The following UTP18 variants were observed in gnomAD, a reference collection of about 807,000 sequenced individuals.
The protein encoded by UTP18 is U3 small nucleolar RNA-associated protein 18 homolog.
UTP18 carries 36 observed loss-of-function variants against 61.1 expected under a neutral mutation model. That is an observed-to-expected ratio of 0.59 (90% CI 0.45 to 0.78). The LOEUF is 0.78. Among genes scored for constraint, UTP18 ranks in the 30% least tolerant of loss-of-function variants. The pLI, the probability that UTP18 is intolerant of heterozygous loss-of-function variation, is 0.00. For missense variants in UTP18, 753 were observed against 693.9 expected (o/e 1.09, Z -0.96); for synonymous variants, 282 against 251.1 (o/e 1.12, Z -1.16).
At chr17:51,265,358 G>A (rs567828567) in intron 2 of UTP18, among the ~76,000 whole-genome samples, 1 of 151,418 alleles carries the variant, frequency 6.6e-6, no homozygotes, top group East Asian at 1.9e-4. Context: ...CTGCTTCCCA[G>A]GTTCAAGTGA....
rs201491645 is a variant in UTP18, at chr17:51,285,320, A to G, written c.1280A>G (p.Tyr427Cys). 93 of 1,614,012 alleles carry G rather than the reference A, an allele frequency of 5.8e-5. No individual in the cohort carries two copies. In the African/African-American group the frequency reaches 1.1e-3, roughly 18 times the overall value. The change falls in exon 10 of 14, where the codon TAT (tyrosine) becomes TGT (cysteine). Residue 427 changes from tyrosine (Y) to cysteine (C), a missense_variant. Physicochemically the swap from Tyr to Cys is radical, Grantham distance 194 (BLOSUM62 -2). Coordinates refer to ENST00000225298, the MANE Select transcript of UTP18 (RefSeq NM_016001.3). ...AGATTTGTTGATGAAGGCAGTTTATATGGATTAAGCATTGCCACATCTAGG... is the reference window on the plus strand; with the variant it reads ...AGATTTGTTGATGAAGGCAGTTTATGTGGATTAAGCATTGCCACATCTAGG... ...LNRFVDEGSL[Y>C]GLSIATSRNG...
chr17:51,275,686 T>C (rs1445192170), intron 5 of UTP18, among the ~76,000 whole-genome samples, 180 bp from the exon 6 acceptor site: 1 of 151,702 alleles, frequency 6.6e-6, no homozygotes, highest in Non-Finnish European at 1.5e-5. Context: ...AGTGACTTGC[T>C]AGTTGGTGCC....
intron 4 of UTP18, among the ~76,000 whole-genome samples, chr17:51,269,304 A>C (rs1314806561): frequency 1.4e-5 from 2 of 147,420 alleles, no homozygotes; most frequent in Non-Finnish European, 1.5e-5. Context: ...CAAAAAAAAA[A>C]AAAAAAAAAA....
chr17:51,278,437 GGCATCTCCTTGTCTT>G (rs1904803267), intron 7 of UTP18, among the ~76,000 whole-genome samples: 1 of 152,198 alleles, frequency 6.6e-6, no homozygotes, highest in Admixed American at 6.5e-5. Flanking sequence ...AATGGATTCT[GGCATCTCCTTGTCTT>G]GCATCCTCTT....
intron 4 of UTP18, among the ~76,000 whole-genome samples, chr17:51,269,415 T>C (rs1904435063): frequency 6.6e-6 from 1 of 151,970 alleles, no homozygotes; most frequent in Non-Finnish European, 1.5e-5. Flanking sequence ...AGTTTAGCTA[T>C]TATAAATATG....
intron 4 of UTP18, 144 bp downstream of exon 4, chr17:51,269,048 A>AT: frequency 2.6e-6 from 2 of 757,936 alleles, no homozygotes; most frequent in African/African-American, 1.8e-5. Context: ...GTGCTTTGGG[A>AT]GCCCGAGGCG....
At chr17:51,277,973 G>A (rs896714673) in intron 7 of UTP18, among the ~76,000 whole-genome samples, 2 of 152,146 alleles carry the variant, frequency 1.3e-5, no homozygotes, top group African/African-American at 4.8e-5. Flanking sequence ...GTATGGCACG[G>A]CTCACTGGTG....
chr17:51,281,653 G>A (rs554156472), intron 9 of UTP18, among the ~76,000 whole-genome samples: 1 of 152,248 alleles, frequency 6.6e-6, no homozygotes, highest in South Asian at 2.1e-4. Flanking sequence ...GAAGTTTTGT[G>A]TCTTGACTGT....
At chr17:51,281,165 T>TATATATATATATA (rs1555555694) in intron 9 of UTP18, among the ~76,000 whole-genome samples, 10 of 43,926 alleles carry the variant, frequency 2.3e-4, no homozygotes, top group African/African-American at 5.9e-4. Context: ...TATATATATA[T>TATATATATATATA]TTTTTTTAAA....
rs1236667932 is a variant in UTP18, at chr17:51,294,004, CTTTG to C, written c.1606_1609del (p.Phe536ProfsTer10). 6.2e-7 allele frequency: 1 copy of C among 1,610,142 alleles called. No individual in the cohort carries two copies. The highest frequency in any genetic ancestry group is 8.5e-7 in the Non-Finnish European group (1 of 1,178,256). The stretch of plus-strand genomic sequence containing the variant: ...TGGATTTTTCTCCGAGAAGTGGATA[CTTTG>C]CCTTGGGGAATGAAAAGGGCAAGGC... On this transcript the variant is annotated frameshift_variant, in exon 12 of 14. Transcript: ENST00000225298. LOFTEE classifies it high-confidence loss of function.
At chr17:51,278,888 T>C (rs751786555) in intron 7 of UTP18, among the ~76,000 whole-genome samples, 11 of 152,152 alleles carry the variant, frequency 7.2e-5, no homozygotes, top group African/African-American at 1.2e-4. Context: ...AAATGTAGTA[T>C]GTGTCTGAAA....
intron 11 of UTP18, among the ~76,000 whole-genome samples, chr17:51,288,751 A>G (rs1348516490): frequency 1.3e-5 from 2 of 152,214 alleles, no homozygotes; most frequent in Non-Finnish European, 2.9e-5. Flanking sequence ...TGTTCATTGA[A>G]CTCATGGCTA....
At chr17:51,262,112 C>T (rs1321663340) in intron 1 of UTP18, among the ~76,000 whole-genome samples, 1 of 150,778 alleles carries the variant, frequency 6.6e-6, no homozygotes, top group Non-Finnish European at 1.5e-5. Context: ...TTTTTAGACT[C>T]GCCCTGTCGC....
chr17:51,277,030 A>G (rs1597847169), intron 6 of UTP18, 100 bp from the exon 7 acceptor site: 2 of 1,264,372 alleles, frequency 1.6e-6, no homozygotes, highest in Non-Finnish European at 2.2e-6. Context: ...AGCCCCTTGG[A>G]TATGTATTTT....
intron 10 of UTP18, among the ~76,000 whole-genome samples, chr17:51,286,987 G>C (rs543565735): frequency 0.16 from 7,994 of 50,966 alleles, 323 homozygotes; most frequent in African/African-American, 0.26. Flanking sequence ...TTCCCCCCCC[G>C]ACCCACAGGC....
chr17:51,266,750 T>G (rs1455152056), intron 3 of UTP18, among the ~76,000 whole-genome samples: 1 of 152,222 alleles, frequency 6.6e-6, no homozygotes, highest in Non-Finnish European at 1.5e-5. Context: ...TCCTTCATAT[T>G]CACAATACCA....
intron 2 of UTP18, among the ~76,000 whole-genome samples, chr17:51,265,712 T>G (rs944600179): frequency 2.6e-5 from 4 of 151,686 alleles, no homozygotes; most frequent in Non-Finnish European, 5.9e-5. Flanking sequence ...TACAGGTGTG[T>G]GCCACCCCGC....
Position 51,266,165 on chromosome 17 carries a change from C to T in UTP18, c.456-17C>T, listed in dbSNP as rs201007115. 1.9e-4 allele frequency: 297 copies of T among 1,540,724 alleles called. 2 individuals carry two copies. The African/African-American group carries it at 3.9e-3, about 20-fold the overall frequency. On this transcript the variant is annotated splice_polypyrimidine_tract_variant and intron_variant, in intron 2 of 13. Coordinates refer to ENST00000225298, the MANE Select transcript of UTP18 (RefSeq NM_016001.3). ...CTCTTTAAAAGTTATTTAAAATATG[C>T]TGTTCTGTTTTTGTAGGGTTGACAT...
chr17:51,275,826 T>A, intron 5 of UTP18, 40 bp from the exon 6 acceptor site: 1 of 1,550,922 alleles, frequency 6.4e-7, no homozygotes, highest in Non-Finnish European at 8.7e-7. Context: ...TAATGTTTAT[T>A]CATTTCAATT....
Sources: allele counts gnomAD v4.1 joint callset (sites outside exome capture counted in the v4.1 genomes callset), GRCh38; gene constraint gnomAD v4.1.1; transcripts MANE v1.5; gene names NCBI Gene and HGNC (gene_info 2026-07-23, HGNC 2026-07-21).